The following R3HDM2 variants were observed in gnomAD, a reference collection of about 807,000 sequenced individuals.
The protein encoded by R3HDM2 is R3H domain containing 2.
In R3HDM2, 38 loss-of-function variants were observed where a neutral mutation model predicts 124.5. The observed-to-expected ratio is 0.31, with a 90% confidence interval of 0.24 to 0.40. The LOEUF is 0.40. Ranked by LOEUF, R3HDM2 falls within the 10% of genes least tolerant of loss-of-function variation. R3HDM2 has a pLI of 1.00. For missense variants in R3HDM2, 869 were observed against 1,236.9 expected (o/e 0.70, Z 4.46); for synonymous variants, 391 against 448.0 (o/e 0.87, Z 1.61).
chr12:57,371,106 TTTTTTTTA>T, intron 2 of R3HDM2, among the ~76,000 whole-genome samples: 1 of 138,794 alleles, frequency 7.2e-6, no homozygotes, highest in South Asian at 2.4e-4. Flanking sequence ...TTTTTTTTTT[TTTTTTTTA>T]AGATACACAC....
At chr12:57,383,765 G>A (rs1269367941) in intron 2 of R3HDM2, among the ~76,000 whole-genome samples, 1 of 152,060 alleles carries the variant, frequency 6.6e-6, no homozygotes, top group African/African-American at 2.4e-5. Context: ...CTAAACTGAG[G>A]GTCCTGCTTG....
chr12:57,389,141 G>A (rs2066306301), intron 2 of R3HDM2, among the ~76,000 whole-genome samples: 1 of 152,188 alleles, frequency 6.6e-6, no homozygotes, highest in Admixed American at 6.5e-5. Context: ...GGGAGGAAAA[G>A]GAAAGATCCC....
chr12:57,419,257 C>T (rs1196557123), intron 1 of R3HDM2, among the ~76,000 whole-genome samples: 1 of 151,310 alleles, frequency 6.6e-6, no homozygotes, highest in African/African-American at 2.4e-5. Flanking sequence ...GATTCTTGTG[C>T]CTCAGCCTCC....
intron 2 of R3HDM2, among the ~76,000 whole-genome samples, chr12:57,316,894 G>A (rs1041955637): frequency 6.6e-5 from 10 of 151,478 alleles, no homozygotes; most frequent in Admixed American, 3.3e-4. Context: ...TTACAGGCAC[G>A]TGCCACCACG....
chr12:57,392,623 C>T (rs1469828525), intron 2 of R3HDM2, among the ~76,000 whole-genome samples: 1 of 151,994 alleles, frequency 6.6e-6, no homozygotes, highest in African/African-American at 2.4e-5. Context: ...GATGGAGTTT[C>T]ACTCTTGTTG....
At chr12:57,381,922 ATCC>A (rs1309345053) in intron 2 of R3HDM2, among the ~76,000 whole-genome samples, 1 of 151,930 alleles carries the variant, frequency 6.6e-6, no homozygotes, top group African/African-American at 2.4e-5. Context: ...GACTCAAGCA[ATCC>A]TCCTATCAGC....
At chr12:57,270,231 T>C (rs921738130) in intron 14 of R3HDM2, among the ~76,000 whole-genome samples, 1 of 152,122 alleles carries the variant, frequency 6.6e-6, no homozygotes, top group African/African-American at 2.4e-5. Context: ...GTGTGTTTTT[T>C]TGTTTTTTTG....
chr12:57,292,732 G>T, intron 10 of R3HDM2, 65 bp from the exon 11 acceptor site: 1 of 992,508 alleles, frequency 1.0e-6, no homozygotes, highest in Non-Finnish European at 1.5e-6. Context: ...CTGCACACCA[G>T]CAAGGAAGAG....
At chr12:57,354,684 CTT>C (rs2061062483) in intron 2 of R3HDM2, among the ~76,000 whole-genome samples, 1 of 152,044 alleles carries the variant, frequency 6.6e-6, no homozygotes, top group South Asian at 2.1e-4. Flanking sequence ...GTTCACATCT[CTT>C]GTCCATTTTT....
intron 2 of R3HDM2, among the ~76,000 whole-genome samples, chr12:57,389,817 CAAGA>C (rs1417309724): frequency 6.6e-6 from 1 of 152,036 alleles, no homozygotes; most frequent in Non-Finnish European, 1.5e-5. Flanking sequence ...GAACCCTGAA[CAAGA>C]AAGGATATAT....
intron 2 of R3HDM2, among the ~76,000 whole-genome samples, chr12:57,337,575 T>C (rs981755757): frequency 3.9e-5 from 6 of 152,202 alleles, no homozygotes; most frequent in African/African-American, 1.4e-4. Context: ...CTAGTAGGCC[T>C]ATCTGCACGT....
intron 19 of R3HDM2, among the ~76,000 whole-genome samples, chr12:57,260,945 C>T (rs1324874603): frequency 1.3e-5 from 2 of 152,150 alleles, no homozygotes; most frequent in African/African-American, 2.4e-5. Flanking sequence ...ATTCCCCAGA[C>T]CATTTGTACC....
At chr12:57,404,172 C>A (rs2139095366) in intron 1 of R3HDM2, among the ~76,000 whole-genome samples, 1 of 140,788 alleles carries the variant, frequency 7.1e-6, no homozygotes, top group East Asian at 2.3e-4. Context: ...TCAAGCGATT[C>A]TCCTGCCTCA....
Position 57,292,581 on chromosome 12 carries a change from A to C in R3HDM2, c.897T>G (p.Phe299Leu). The C allele has an allele frequency of 6.5e-7, 1 of 1,549,642 alleles. No homozygotes were observed. Residue 299 changes from phenylalanine (F) to leucine (L), a missense_variant, in exon 11 of 24, where the codon TTT (phenylalanine) becomes TTG (leucine). Coordinates refer to ENST00000402412, the MANE Select transcript of R3HDM2 (RefSeq NM_001394031.1). The part of the protein sequence containing the change: ...EEYQRVRERI[F>L]ARETGQNGYL... ...CAGATGCTACACTTACCTCTCGGGC[A>C]AATATTCTCTCTCGGACCCTTTGAT...
At position 57,282,072 on chromosome 12, in the gene R3HDM2, G is replaced by T. The variant is rs184937379; in HGVS notation, c.1172-1542C>A. Among the ~76,000 whole-genome samples, 188 of 152,270 alleles carry T rather than the reference G, an allele frequency of 1.2e-3. 1 individual carries two copies. The highest frequency in any genetic ancestry group is 4.1e-3 in the African/African-American group (172 of 41,558). Reference sequence around the variant, plus strand: ...TGCCTGTAATCCCAGCACTTTGGGAGGCTTAGGTGGGTGGATCACCTGACA... The same window carrying T: ...TGCCTGTAATCCCAGCACTTTGGGATGCTTAGGTGGGTGGATCACCTGACA... On this transcript the variant is annotated intron_variant, in intron 13 of 23. Coordinates refer to ENST00000402412, the MANE Select transcript of R3HDM2 (RefSeq NM_001394031.1).
intron 14 of R3HDM2, among the ~76,000 whole-genome samples, chr12:57,278,494 G>GA (rs200179603): frequency 7.3e-5 from 11 of 150,512 alleles, no homozygotes; most frequent in South Asian, 2.1e-4. Context: ...ACATTTTAGG[G>GA]AAAAAAAAAC....
intron 1 of R3HDM2, among the ~76,000 whole-genome samples, chr12:57,417,442 CATG>C (rs1216253938): frequency 1.3e-5 from 2 of 151,274 alleles, no homozygotes; most frequent in African/African-American, 2.4e-5. Context: ...ATCCTGGCCA[CATG>C]ATGATGGTCA....
chr12:57,378,476 C>G (rs1489990703), intron 2 of R3HDM2, among the ~76,000 whole-genome samples: 1 of 152,104 alleles, frequency 6.6e-6, no homozygotes, highest in Non-Finnish European at 1.5e-5. Flanking sequence ...ACCCCAGGCT[C>G]AAGTGATCCT....
chr12:57,395,976 C>A (rs1348814726), intron 1 of R3HDM2, among the ~76,000 whole-genome samples, 158 bp from the exon 2 acceptor site: 2 of 152,132 alleles, frequency 1.3e-5, no homozygotes, highest in Non-Finnish European at 2.9e-5. Context: ...TGCCCTGAAC[C>A]CTCTATATCC....
Sources: gnomAD v4.1 joint callset for allele counts (sites outside exome capture counted in the v4.1 genomes callset) on GRCh38, gnomAD v4.1.1 for gene constraint, MANE v1.5 for transcripts, NCBI Gene and HGNC (gene_info 2026-07-23, HGNC 2026-07-21) for gene names.